CREB3L2: variants seen among roughly 807,000 people sequenced by gnomAD.
The protein encoded by CREB3L2 is cyclic AMP-responsive element-binding protein 3-like protein 2.
Under a neutral mutation model 57.2 loss-of-function variants are expected in CREB3L2, and 23 were observed. The observed-to-expected ratio is 0.40, with a 90% confidence interval of 0.29 to 0.57. The LOEUF is 0.57. CREB3L2 is among the 20% of genes least tolerant of loss of function. The probability of loss-of-function intolerance (pLI) is 0.42; values close to 1 mark genes in which losing one functional copy is unlikely to be tolerated. For synonymous variants in CREB3L2, 268 were observed against 265.1 expected (o/e 1.01, Z -0.11); for missense variants, 628 against 634.7 (o/e 0.99, Z 0.11).
intron 1 of CREB3L2, among the ~76,000 whole-genome samples, chr7:137,989,909 T>C (rs1403328148): frequency 1.3e-5 from 2 of 152,198 alleles, no homozygotes; most frequent in East Asian, 3.8e-4. Context: ...CTATCCTCTC[T>C]TGAATTCATC....
At chr7:137,960,084 A>G (rs1416815526) in intron 1 of CREB3L2, among the ~76,000 whole-genome samples, 1 of 152,190 alleles carries the variant, frequency 6.6e-6, no homozygotes, top group Non-Finnish European at 1.5e-5. Context: ...CTAGTAAAAA[A>G]TATATAATTC....
rs1007775796 is a variant in CREB3L2 at position 137,876,747 on chromosome 7, T to C, written c.*3729A>G. On this transcript the variant is annotated 3_prime_UTR_variant, in exon 12 of 12. Coordinates refer to ENST00000330387, the MANE Select transcript of CREB3L2 (RefSeq NM_194071.4). Reference sequence around the variant, plus strand: ...CAGCCAGCCCAGCAAGCAGAAGTGCTGGTGTCTTTAACCCAGGTTTCTTAA... The same window carrying C: ...CAGCCAGCCCAGCAAGCAGAAGTGCCGGTGTCTTTAACCCAGGTTTCTTAA... 3.9e-5 allele frequency: 9 copies of C among 232,134 alleles called. No individual in the cohort carries two copies. Among genetic ancestry groups the C allele is most frequent in the Middle Eastern group, 1.2e-3 (1 of 804 alleles). The allele number at this position is 232,134 out of a possible 1,614,324, so 14.4% of individuals were successfully genotyped here. A position where few individuals can be genotyped will look rare whatever the true frequency, so the allele number is the denominator to read the frequency against.
At chr7:137,923,414 T>C (rs1419765505) in intron 2 of CREB3L2, among the ~76,000 whole-genome samples, 1 of 152,208 alleles carries the variant, frequency 6.6e-6, no homozygotes, top group African/African-American at 2.4e-5. Flanking sequence ...CAACTGTTCC[T>C]CTGCCTGTCC....
At chr7:137,925,983 GCC>G (rs1800445921) in intron 2 of CREB3L2, among the ~76,000 whole-genome samples, 2 of 152,208 alleles carry the variant, frequency 1.3e-5, no homozygotes, top group Non-Finnish European at 2.9e-5. Context: ...ATAGAACAAA[GCC>G]CCAGCTGGGG....
rs911704056 is a variant in CREB3L2, at chr7:137,875,075, C to T, written c.*5401G>A. On this transcript the variant is annotated 3_prime_UTR_variant, in exon 12 of 12. Transcript: ENST00000330387. ...TTTTTCCCAAACTAAGTACAAGTGT[C>T]CTACAAAGCTTTTTTTTTTTTTTGG... is the stretch of plus-strand genomic sequence containing the variant. The T allele has an allele frequency of 4.2e-5, 8 of 192,324 alleles. No homozygotes were observed. Among genetic ancestry groups the T allele is most frequent in the Non-Finnish European group, 7.5e-5 (7 of 93,958 alleles). 11.9% of individuals were successfully genotyped at this position (192,324 alleles called of 1,614,324 possible). A position where few individuals can be genotyped will look rare whatever the true frequency, so the allele number is the denominator to read the frequency against.
chr7:137,965,110 G>A (rs112357601), intron 1 of CREB3L2, among the ~76,000 whole-genome samples: 6 of 152,208 alleles, frequency 3.9e-5, no homozygotes, highest in South Asian at 2.1e-4. Context: ...TTGTCCAACC[G>A]GGGAAACAAA....
chr7:137,999,103 GA>G, intron 1 of CREB3L2, among the ~76,000 whole-genome samples: 1 of 7,306 alleles, frequency 1.4e-4, no homozygotes, highest in East Asian at 3.9e-3. Flanking sequence ...TGAAATACAT[GA>G]TATTAACACA....
At chr7:137,991,725 A>G (rs892864077) in intron 1 of CREB3L2, among the ~76,000 whole-genome samples, 3 of 151,890 alleles carry the variant, frequency 2.0e-5, no homozygotes, top group Non-Finnish European at 2.9e-5. Flanking sequence ...TGGCCAACAC[A>G]GCGAAACTCT....
Position 137,875,416 on chromosome 7 carries a change from T to TC in CREB3L2, c.*5059dup, listed in dbSNP as rs1463535716. On this transcript the variant is annotated 3_prime_UTR_variant, in exon 12 of 12. Coordinates refer to ENST00000330387, the MANE Select transcript of CREB3L2 (RefSeq NM_194071.4). ...GCCATGGGTACATGGTGCAAAAAGT[T>TC]CATGTTCTCACTCAGCTGGTGAGCG... 1 of 221,136 alleles carries TC rather than the reference T, an allele frequency of 4.5e-6. No homozygotes were observed. The highest frequency in any genetic ancestry group is 9.0e-6 in the Non-Finnish European group (1 of 110,534). The allele number at this position is 221,136 out of a possible 1,614,324, so 13.7% of individuals were successfully genotyped here.
At chr7:137,897,082 A>T (rs1024596078) in intron 8 of CREB3L2, among the ~76,000 whole-genome samples, 2 of 152,204 alleles carry the variant, frequency 1.3e-5, no homozygotes, top group South Asian at 4.1e-4. Flanking sequence ...GAAGTGTGCT[A>T]AGCATTGGCA....
At chr7:137,938,374 C>G (rs34878104) in intron 1 of CREB3L2, among the ~76,000 whole-genome samples, 1 of 152,148 alleles carries the variant, frequency 6.6e-6, no homozygotes, top group South Asian at 2.1e-4. Flanking sequence ...GAGACAGAGT[C>G]TCACTCTGTC....
intron 8 of CREB3L2, among the ~76,000 whole-genome samples, chr7:137,886,075 C>T (rs370357966): frequency 6.6e-6 from 1 of 152,172 alleles, no homozygotes; most frequent in Admixed American, 6.5e-5. Context: ...TCGCCCAACA[C>T]GGAATCTCCC....
intron 2 of CREB3L2, chr7:137,922,457 CACAT>C (rs1554498066): frequency 8.7e-6 from 1 of 115,420 alleles, no homozygotes; most frequent in Admixed American, 9.2e-5. Flanking sequence ...TATATATACA[CACAT>C]ATATATATAC....
At chr7:137,894,161 G>A (rs1799574440) in intron 8 of CREB3L2, among the ~76,000 whole-genome samples, 1 of 152,184 alleles carries the variant, frequency 6.6e-6, no homozygotes. Flanking sequence ...GACAGATGAG[G>A]TAATGTCTCT....
chr7:137,901,332 C>T (rs371997209), intron 8 of CREB3L2, 22 bp downstream of exon 8: 7 of 1,446,116 alleles, frequency 4.8e-6, no homozygotes, highest in Non-Finnish European at 6.8e-6. Context: ...GCGCAATCAG[C>T]TCTCAGTCCA....
rs565968728 is a variant in CREB3L2 at position 137,875,054 on chromosome 7, T to C, written c.*5422A>G. 2.6e-5 allele frequency: 5 copies of C among 191,350 alleles called. No individual in the cohort carries two copies. The highest frequency in any genetic ancestry group is 8.4e-5 in the East Asian group (1 of 11,876). 11.9% of individuals were successfully genotyped at this position (191,350 alleles called of 1,614,324 possible). A position where few individuals can be genotyped will look rare whatever the true frequency, so the allele number is the denominator to read the frequency against. On this transcript the variant is annotated 3_prime_UTR_variant, in exon 12 of 12. Transcript: ENST00000330387. ...ATAACAATTTCAATTTATTTTTTTT[T>C]CCCAAACTAAGTACAAGTGTCCTAC...
At chr7:137,987,631 G>A (rs1801814547) in intron 1 of CREB3L2, among the ~76,000 whole-genome samples, 1 of 152,194 alleles carries the variant, frequency 6.6e-6, no homozygotes, top group African/African-American at 2.4e-5. Context: ...GAGATACACG[G>A]GAGCTTTTTG....
chr7:137,899,252 C>T (rs909706799), intron 8 of CREB3L2, among the ~76,000 whole-genome samples: 3 of 152,142 alleles, frequency 2.0e-5, no homozygotes, highest in Admixed American at 1.3e-4. Flanking sequence ...CCTCACACAC[C>T]CGGACTTCGC....
intron 2 of CREB3L2, among the ~76,000 whole-genome samples, chr7:137,917,314 G>C (rs1257865286): frequency 1.3e-5 from 2 of 151,800 alleles, no homozygotes; most frequent in Non-Finnish European, 1.5e-5. Context: ...AGCACTGCCT[G>C]GAAAAGCCGG....
Sources: gnomAD v4.1 joint callset for allele counts (sites outside exome capture counted in the v4.1 genomes callset) on GRCh38, gnomAD v4.1.1 for gene constraint, MANE v1.5 for transcripts, NCBI Gene and HGNC (gene_info 2026-07-23, HGNC 2026-07-21) for gene names.